TTBK2: variants seen among roughly 807,000 people sequenced by gnomAD.
TTBK2 encodes the protein tau tubulin kinase 2, also known as tau-tubulin kinase 2.
In TTBK2, 28 loss-of-function variants were observed where a neutral mutation model predicts 110.8. That is an observed-to-expected ratio of 0.25 (90% confidence interval 0.19 to 0.35). TTBK2 has a LOEUF of 0.35. TTBK2 is among the 10% of genes least tolerant of loss of function. TTBK2 has a pLI of 1.00. For synonymous variants in TTBK2, 532 were observed against 527.3 expected, an observed-to-expected ratio of 1.01 and a Z score of -0.12; for missense variants, 1,369 against 1,500.3, an observed-to-expected ratio of 0.91 and a Z score of 1.45.
chr15:42,918,183 T>G (rs2031184973), intron 1 of TTBK2, among the ~76,000 whole-genome samples: 1 of 151,894 alleles, frequency 6.6e-6, no homozygotes, highest in South Asian at 2.1e-4. Flanking sequence ...ACCCCCTCAG[T>G]CTCCCTAGTA....
chr15:42,849,399 G>C (rs1385838558), intron 3 of TTBK2, among the ~76,000 whole-genome samples: 1 of 152,156 alleles, frequency 6.6e-6, no homozygotes, highest in African/African-American at 2.4e-5. Flanking sequence ...CATAATGGCT[G>C]ATTTAAAGTC....
intron 13 of TTBK2, among the ~76,000 whole-genome samples, chr15:42,770,935 T>C (rs916474026): frequency 2.0e-5 from 3 of 152,018 alleles, no homozygotes; most frequent in Non-Finnish European, 2.9e-5. Flanking sequence ...AAGCATGCCT[T>C]GCCAGGAAAG....
chr15:42,865,129 A>C (rs1459007045), intron 3 of TTBK2, among the ~76,000 whole-genome samples: 1 of 152,142 alleles, frequency 6.6e-6, no homozygotes, highest in Non-Finnish European at 1.5e-5. Context: ...AAAAAAGTAA[A>C]AACAGAAGTA....
chr15:42,760,392 AAAAAAAAAAAAC>A (rs1173617502), intron 13 of TTBK2, among the ~76,000 whole-genome samples: 44 of 151,452 alleles, frequency 2.9e-4, no homozygotes, highest in African/African-American at 9.7e-4. Flanking sequence ...CTCAAAAAAA[AAAAAAAAAAAAC>A]AAAAAAAGAA....
chr15:42,759,380 C>G (rs1232107234), intron 13 of TTBK2, among the ~76,000 whole-genome samples: 1 of 152,218 alleles, frequency 6.6e-6, no homozygotes, highest in East Asian at 1.9e-4. Flanking sequence ...TGAGCGGCTG[C>G]ATACCTGCGC....
At chr15:42,889,011 A>C (rs904891511) in intron 1 of TTBK2, among the ~76,000 whole-genome samples, 1 of 152,144 alleles carries the variant, frequency 6.6e-6, no homozygotes, top group African/African-American at 2.4e-5. Flanking sequence ...CCAGCCTCAC[A>C]GGCCCATTCT....
intron 10 of TTBK2, among the ~76,000 whole-genome samples, chr15:42,787,840 G>A (rs117228174): frequency 0.013 from 2,030 of 151,744 alleles, 24 homozygotes; most frequent in Non-Finnish European, 0.02. Flanking sequence ...GCTTAACAAC[G>A]GGGATACATT....
At chr15:42,907,328 G>A (rs1315718947) in intron 1 of TTBK2, among the ~76,000 whole-genome samples, 1 of 152,132 alleles carries the variant, frequency 6.6e-6, no homozygotes, top group Non-Finnish European at 1.5e-5. Context: ...CCACTATTGG[G>A]TATATATCCA....
In TTBK2 at chr15:42,753,154, T is replaced by C. The variant is rs758756132; in HGVS notation, c.2092A>G (p.Met698Val). Residue 698 changes from methionine (M) to valine (V), a missense_variant, in exon 14 of 15, where the codon ATG becomes GTG. Met to Val is a conservative substitution (Grantham distance 21). Transcript: ENST00000267890. ...QQPEKKDLQPMEPTVELYSPR... is the reference protein window; with the variant it reads ...QQPEKKDLQPVEPTVELYSPR... ...GAGTAAAGTTCCACAGTGGGCTCCATGGGCTGAAGATCTTTCTTCTCTGGC... is the reference window on the plus strand; with the variant it reads ...GAGTAAAGTTCCACAGTGGGCTCCACGGGCTGAAGATCTTTCTTCTCTGGC... The C allele has an allele frequency of 1.9e-6, 3 of 1,603,886 alleles. No individual in the cohort carries two copies. In the Admixed American group the frequency reaches 5.2e-5, roughly 28 times the overall value.
rs115505254 is a variant in TTBK2, at chr15:42,865,016, A to C, written c.217+7595T>G. On this transcript the variant is annotated intron_variant, in intron 3 of 14. Coordinates refer to ENST00000267890, the MANE Select transcript of TTBK2 (RefSeq NM_173500.4). Reference sequence around the variant, plus strand: ...AGGGAGAAATTAGGATCATTTTATTACGAGAAAATATCTTCACATTACCTT... The same window carrying C: ...AGGGAGAAATTAGGATCATTTTATTCCGAGAAAATATCTTCACATTACCTT... 9.9e-3 allele frequency among the ~76,000 whole-genome samples: 1,506 copies of C among 152,294 alleles called. 30 individuals carry two copies. Among genetic ancestry groups the C allele is most frequent in the African/African-American group, 0.034 (1,431 of 41,558 alleles).
At chr15:42,834,196 A>AAAG (rs1555429705) in intron 4 of TTBK2, among the ~76,000 whole-genome samples, 4 of 124,280 alleles carry the variant, frequency 3.2e-5, no homozygotes, top group Admixed American at 1.7e-4. Context: ...AAAAAAAAAA[A>AAAG]GGGGGGGGGT....
At chr15:42,758,052 T>C (rs1275417496) in intron 13 of TTBK2, among the ~76,000 whole-genome samples, 6 of 152,248 alleles carry the variant, frequency 3.9e-5, no homozygotes, top group African/African-American at 1.4e-4. Context: ...ATTTGCATTT[T>C]AACTTACAGA....
intron 6 of TTBK2, among the ~76,000 whole-genome samples, chr15:42,825,672 G>A (rs565568506): frequency 7.9e-5 from 12 of 152,258 alleles, no homozygotes; most frequent in East Asian, 5.8e-4. Context: ...TCGAGATGGC[G>A]CCATCGCACT....
chr15:42,857,311 T>G (rs1482167091), intron 3 of TTBK2: 1 of 151,014 alleles, frequency 6.6e-6, no homozygotes, highest in Non-Finnish European at 1.5e-5. Context: ...AGGCCAGGAG[T>G]TCAAGACCAG....
At position 42,743,940 on chromosome 15, in the gene TTBK2, G is replaced by A. The variant is rs1345492260; in HGVS notation, c.*1855C>T. On this transcript the variant is annotated 3_prime_UTR_variant, in exon 15 of 15. Coordinates refer to ENST00000267890, the MANE Select transcript of TTBK2 (RefSeq NM_173500.4). ...CTGTGATCTCGAAATTACAAATGGA[G>A]AATGACAAAGAATGACTCTATATAA... The A allele has an allele frequency of 6.6e-6, 1 of 151,910 alleles. No homozygotes were observed. Among genetic ancestry groups the A allele is most frequent in the African/African-American group, 2.4e-5 (1 of 41,380 alleles). 9.4% of individuals were successfully genotyped at this position (151,910 alleles called of 1,614,324 possible). A position where few individuals can be genotyped will look rare whatever the true frequency, so the allele number is the denominator to read the frequency against.
chr15:42,916,186 T>C (rs1179986152), intron 1 of TTBK2, among the ~76,000 whole-genome samples: 1 of 152,214 alleles, frequency 6.6e-6, no homozygotes, highest in East Asian at 1.9e-4. Flanking sequence ...TCTAGTTTAT[T>C]ATCTACCATA....
In TTBK2 at chr15:42,835,995, T is replaced by G. The variant is rs938687676; in HGVS notation, c.291+4365A>C. Among the ~76,000 whole-genome samples the G allele has an allele frequency of 3.5e-4, 54 of 152,196 alleles. 1 individual carries two copies. The highest frequency in any genetic ancestry group is 1.3e-3 in the African/African-American group (54 of 41,456). ...GTGTTAGGCAATCTAGACCTACAGTTGTACTGGTTACAGCACTTGAAAAAA... is the reference window on the plus strand; with the variant it reads ...GTGTTAGGCAATCTAGACCTACAGTGGTACTGGTTACAGCACTTGAAAAAA... On this transcript the variant is annotated intron_variant, in intron 4 of 14. Transcript: ENST00000267890.
intron 5 of TTBK2, among the ~76,000 whole-genome samples, chr15:42,829,208 T>C (rs973066219): frequency 2.4e-4 from 36 of 152,122 alleles, no homozygotes; most frequent in Non-Finnish European, 5.9e-5. Context: ...TTTCACCTAA[T>C]GAACAATCAA....
At chr15:42,862,956 A>G (rs931212618) in intron 3 of TTBK2, among the ~76,000 whole-genome samples, 1 of 152,168 alleles carries the variant, frequency 6.6e-6, no homozygotes, top group Non-Finnish European at 1.5e-5. Context: ...CACAGCCAAC[A>G]TCATACTGAA....
Sources: gnomAD v4.1 joint callset for allele counts (sites outside exome capture counted in the v4.1 genomes callset) on GRCh38, gnomAD v4.1.1 for gene constraint, MANE v1.5 for transcripts, NCBI Gene and HGNC (gene_info 2026-07-23, HGNC 2026-07-21) for gene names.